LRRTM4: variants seen among roughly 807,000 people sequenced by gnomAD.
LRRTM4 encodes the protein leucine rich repeat transmembrane neuronal 4.
LRRTM4 carries 25 observed loss-of-function variants against 47.6 expected under a neutral mutation model. That is an observed-to-expected ratio of 0.53 (90% CI 0.38 to 0.73). LRRTM4 has a LOEUF of 0.73. LRRTM4 is among the 30% of genes least tolerant of loss of function. The pLI is 0.00. For synonymous variants in LRRTM4, 311 were observed against 269.5 expected (o/e 1.15, Z -1.51); for missense variants, 638 against 713.4 (o/e 0.89, Z 1.20).
At chr2:77,306,083 C>T (rs945158308) in intron 3 of LRRTM4, among the ~76,000 whole-genome samples, 3 of 152,066 alleles carry the variant, frequency 2.0e-5, no homozygotes, top group African/African-American at 7.2e-5. Context: ...TTTGTGAATC[C>T]AATCCCAGAT....
chr2:77,504,611 TAACAA>T (rs1678696463), intron 3 of LRRTM4, among the ~76,000 whole-genome samples: 2 of 151,610 alleles, frequency 1.3e-5, no homozygotes, highest in Admixed American at 1.3e-4. Flanking sequence ...AAGAATCATT[TAACAA>T]AACAGAACGT....
At chr2:76,977,608 CACTA>C (rs1676463416) in intron 3 of LRRTM4, among the ~76,000 whole-genome samples, 2 of 151,928 alleles carry the variant, frequency 1.3e-5, no homozygotes, top group African/African-American at 2.4e-5. Flanking sequence ...CAATAACCAT[CACTA>C]ACTGTTATTG....
chr2:76,921,009 C>CA (rs1674417158), intron 3 of LRRTM4, among the ~76,000 whole-genome samples: 1 of 152,038 alleles, frequency 6.6e-6, no homozygotes, highest in African/African-American at 2.4e-5. Context: ...TGGAATGGTT[C>CA]ACTTGTCAAA....
chr2:76,919,421 C>T lies in LRRTM4; in HGVS notation c.1552-170505G>A, dbSNP rs139794111. Among the ~76,000 whole-genome samples the T allele has an allele frequency of 2.2e-3, 337 of 152,246 alleles. 2 individuals are homozygous for T. The highest frequency in any genetic ancestry group is 7.4e-3 in the African/African-American group (306 of 41,548). On this transcript the variant is annotated intron_variant, in intron 3 of 3. Coordinates refer to ENST00000409884, the MANE Select transcript of LRRTM4 (RefSeq NM_001134745.3). ...ATTCCAAGAGCTCAGAGTTCATCTTCCAGGAGGTAGCCAAGGACCAGTACT... is the reference window on the plus strand; with the variant it reads ...ATTCCAAGAGCTCAGAGTTCATCTTTCAGGAGGTAGCCAAGGACCAGTACT...
At position 77,484,997 on chromosome 2, in the gene LRRTM4, G is replaced by T. The variant is rs897601316; in HGVS notation, c.1551+33321C>A. ...AACTCAAGTTTTACAAGTGCTTAAT[G>T]AATTAGATATTTAGTATAATTATTT... On this transcript the variant is annotated intron_variant, in intron 3 of 3. Transcript: ENST00000409884. Among the ~76,000 whole-genome samples, 6 of 152,004 alleles carry T rather than the reference G, an allele frequency of 3.9e-5. No individual in the cohort carries two copies. The East Asian group carries it at 9.7e-4, about 24-fold the overall frequency.
At chr2:76,830,237 AAGTATTCAC>A (rs1215575900) in intron 3 of LRRTM4, among the ~76,000 whole-genome samples, 1 of 152,028 alleles carries the variant, frequency 6.6e-6, no homozygotes, top group African/African-American at 2.4e-5. Context: ...ACCATCATCA[AAGTATTCAC>A]AGTTCAATAA....
At chr2:77,080,469 C>T (rs1304173211) in intron 3 of LRRTM4, among the ~76,000 whole-genome samples, 1 of 152,104 alleles carries the variant, frequency 6.6e-6, no homozygotes, top group Non-Finnish European at 1.5e-5. Context: ...ATATTTACTA[C>T]CTTCTTGACA....
intron 3 of LRRTM4, among the ~76,000 whole-genome samples, chr2:76,809,914 T>G (rs1442671284): frequency 2.0e-5 from 3 of 152,140 alleles, no homozygotes; most frequent in African/African-American, 7.2e-5. Context: ...CTTTCCTCAC[T>G]TTATACAGTT....
chr2:76,807,979 C>G (rs6712416), intron 3 of LRRTM4, among the ~76,000 whole-genome samples: 2 of 143,082 alleles, frequency 1.4e-5, no homozygotes, highest in African/African-American at 2.6e-5. Flanking sequence ...CCTTCCTTCC[C>G]TTCTTTCTTT....
At chr2:77,435,916 T>A (rs114942677) in intron 3 of LRRTM4, among the ~76,000 whole-genome samples, 1,718 of 152,192 alleles carry the variant, frequency 0.011, 28 homozygotes, top group African/African-American at 0.038. Context: ...TAGACCATAC[T>A]GCAAGGGAAA....
chr2:76,863,042 C>G (rs1247733737), intron 3 of LRRTM4, among the ~76,000 whole-genome samples: 4 of 152,180 alleles, frequency 2.6e-5, no homozygotes, highest in African/African-American at 9.7e-5. Flanking sequence ...AAATTGGAAG[C>G]ATTTAGCTGG....
chr2:77,022,748 G>A (rs574229531), intron 3 of LRRTM4, among the ~76,000 whole-genome samples: 22 of 152,308 alleles, frequency 1.4e-4, no homozygotes, highest in Admixed American at 1.4e-3. Flanking sequence ...CCATGGTCTT[G>A]GGCAGCTCTG....
intron 3 of LRRTM4, among the ~76,000 whole-genome samples, chr2:77,184,327 T>C (rs1673439711): frequency 6.6e-6 from 1 of 152,140 alleles, no homozygotes; most frequent in Non-Finnish European, 1.5e-5. Flanking sequence ...AATATTTTTC[T>C]TGGATATTTT....
intron 3 of LRRTM4, among the ~76,000 whole-genome samples, chr2:76,968,267 A>C: frequency 6.8e-6 from 1 of 147,816 alleles, no homozygotes; most frequent in East Asian, 2.0e-4. Context: ...AAAAAAAACA[A>C]ATCTGGCAAT....
chr2:77,214,671 G>A (rs908879006), intron 3 of LRRTM4, among the ~76,000 whole-genome samples: 1 of 151,376 alleles, frequency 6.6e-6, no homozygotes, highest in Non-Finnish European at 1.5e-5. Flanking sequence ...GAAGAGATAA[G>A]TGGCAAAAAT....
At chr2:77,137,832 C>T (rs1490626168) in intron 3 of LRRTM4, among the ~76,000 whole-genome samples, 1 of 152,088 alleles carries the variant, frequency 6.6e-6, no homozygotes, top group Admixed American at 6.5e-5. Context: ...ATCCTAGTCT[C>T]TGATAAAACA....
At chr2:77,044,101 TTC>T (rs1189419965) in intron 3 of LRRTM4, among the ~76,000 whole-genome samples, 1 of 151,716 alleles carries the variant, frequency 6.6e-6, no homozygotes, top group African/African-American at 2.4e-5. Context: ...GCCTTAGATA[TTC>T]TGAGGAAGGA....
At chr2:76,801,304 C>A (rs977232102) in intron 3 of LRRTM4, among the ~76,000 whole-genome samples, 1 of 151,930 alleles carries the variant, frequency 6.6e-6, no homozygotes, top group African/African-American at 2.4e-5. Context: ...GAAAATGTGG[C>A]ACATATACAC....
chr2:77,346,009 G>A (rs954751351), intron 3 of LRRTM4, among the ~76,000 whole-genome samples: 1 of 151,728 alleles, frequency 6.6e-6, no homozygotes, highest in South Asian at 2.1e-4. Context: ...TTTTATAATA[G>A]AATACTACTT....
Sources: gnomAD v4.1 joint callset for allele counts (sites outside exome capture counted in the v4.1 genomes callset) on GRCh38, gnomAD v4.1.1 for gene constraint, MANE v1.5 for transcripts, NCBI Gene and HGNC (gene_info 2026-07-23, HGNC 2026-07-21) for gene names.